Variants in WDR20 observed in about 807,000 individuals in gnomAD.
WDR20 encodes WD repeat domain 20.
In WDR20, 3 loss-of-function variants were observed where a neutral mutation model predicts 38.7. That is an observed-to-expected ratio of 0.08 (90% CI 0.04 to 0.20). WDR20 has a LOEUF of 0.20. WDR20 is among the 10% of genes least tolerant of loss of function. The pLI is 1.00. For missense variants in WDR20, 559 were observed against 727.7 expected, an observed-to-expected ratio of 0.77 and a Z score of 2.67; for synonymous variants, 298 against 285.6, an observed-to-expected ratio of 1.04 and a Z score of -0.44.
intron 1 of WDR20, among the ~76,000 whole-genome samples, chr14:102,190,853 T>C (rs1262449054): frequency 3.3e-5 from 5 of 151,842 alleles, no homozygotes; most frequent in African/African-American, 1.2e-4. Flanking sequence ...ATACAAAAAT[T>C]AGCCGGGCAT....
At chr14:102,215,509 T>A (rs922493181), downstream of WDR20, among the ~76,000 whole-genome samples, 10 of 152,024 alleles carry the variant, frequency 6.6e-5, no homozygotes, top group Non-Finnish European at 1.5e-5. Context: ...AACGTGCAGG[T>A]TTGTTACATA....
chr14:102,208,481 A>G lies in WDR20; in HGVS notation c.433-122A>G. The G allele has an allele frequency of 7.4e-7, 1 of 1,343,830 alleles. No individual in the cohort carries two copies. The highest frequency in any genetic ancestry group is 9.9e-7 in the Non-Finnish European group (1 of 1,012,010). 83.2% of individuals were successfully genotyped at this position (1,343,830 alleles called of 1,614,324 possible). ...TGCTGGCTTGGCTGACTGCAGGATA[A>G]AATGTGGAGGGCCTGGATAGACTTG... On this transcript the variant is annotated intron_variant, in intron 2 of 2. Transcript: ENST00000342702. This position sits in a 1 kb window ranked among gnomAD's most constrained non-coding sequence, Gnocchi z 5.6.
Position 102,220,835 on chromosome 14 carries a change from C to T in WDR20, c.1693-1995C>T, listed in dbSNP as rs1394952151. Among the ~76,000 whole-genome samples the T allele has an allele frequency of 1.3e-5, 2 of 151,820 alleles. No individual in the cohort carries two copies. The highest frequency in any genetic ancestry group is 2.9e-5 in the Non-Finnish European group (2 of 67,976). On this transcript the variant is annotated intron_variant, in intron 3 of 3. Transcript: ENST00000335263. The surrounding 1 kb of genome is among the most constrained non-coding windows in gnomAD (Gnocchi z 4.2). ...TCCCCCAGGCTGGAGTGCAGTGGAT[C>T]GCGGCTCATTGCACCCTGCATCTCC...
chr14:102,151,120 C>G (rs1007130346), intron 1 of WDR20, among the ~76,000 whole-genome samples: 1 of 150,782 alleles, frequency 6.6e-6, no homozygotes, highest in Admixed American at 6.6e-5. Flanking sequence ...AAATGCATAA[C>G]TCTTTAAAGT....
intron 1 of WDR20, among the ~76,000 whole-genome samples, chr14:102,142,624 A>C (rs1433318672): frequency 6.6e-6 from 1 of 151,846 alleles, no homozygotes; most frequent in Non-Finnish European, 1.5e-5. Context: ...TAATTAAAAA[A>C]AAAAATGTTT....
intron 2 of WDR20, among the ~76,000 whole-genome samples, chr14:102,203,652 C>T (rs557569051): frequency 1.6e-4 from 24 of 152,198 alleles, no homozygotes; most frequent in East Asian, 1.9e-4. Flanking sequence ...TGGAGCATGG[C>T]CCCTGGTGCT....
chr14:102,143,084 T>A (rs1410816477), intron 1 of WDR20, among the ~76,000 whole-genome samples: 1 of 152,094 alleles, frequency 6.6e-6, no homozygotes, highest in East Asian at 1.9e-4. Flanking sequence ...ACTTTAGAGT[T>A]TGTTATTTCA....
Position 102,172,402 on chromosome 14 carries a change from C to T in WDR20, c.250-22536C>T, listed in dbSNP as rs1189018201. On this transcript the variant is annotated intron_variant, in intron 1 of 2. Coordinates refer to ENST00000342702, the MANE Select transcript of WDR20 (RefSeq NM_144574.4). ...CAAAACCACCATTGTCATCATGGCC[C>T]GTTCTCAATGAGCTGTTGGGCACAC... 4.0e-5 allele frequency among the ~76,000 whole-genome samples: 6 copies of T among 151,292 alleles called. 1 individual carries two copies. Among genetic ancestry groups the T allele is most frequent in the Non-Finnish European group, 8.9e-5 (6 of 67,550 alleles).
In WDR20 at chr14:102,210,041, C is replaced by T. The variant is rs2062244040; in HGVS notation, c.*161C>T. The T allele has an allele frequency of 7.1e-7, 1 of 1,408,140 alleles. No individual in the cohort carries two copies. The highest frequency in any genetic ancestry group is 1.4e-5 in the African/African-American group (1 of 69,226). The allele number at this position is 1,408,140 out of a possible 1,614,324, so 87.2% of individuals were successfully genotyped here. A position where few individuals can be genotyped will look rare whatever the true frequency, so the allele number is the denominator to read the frequency against. ...TACTGCATGCCATGTAATTCTGAAT[C>T]ATTTGATAATTTACCTTAGAGCATT... On this transcript the variant is annotated 3_prime_UTR_variant, in exon 3 of 3. Transcript: ENST00000342702.
chr14:102,167,518 C>G (rs1476708978), intron 1 of WDR20: 1 of 152,322 alleles, frequency 6.6e-6, no homozygotes, highest in African/African-American at 2.4e-5. Flanking sequence ...CCGTGCCCAG[C>G]CTAGATTCTT....
At chr14:102,224,377 G>C, downstream of WDR20, 1 of 352,720 alleles carries the variant, frequency 2.8e-6, no homozygotes, top group Non-Finnish European at 5.5e-6. Context: ...AAACCAGCTC[G>C]TGAGCATCTG....
In WDR20 at chr14:102,209,575, C is replaced by T. The variant is rs749617951; in HGVS notation, c.1405C>T (p.Arg469Trp). 5.6e-6 allele frequency: 9 copies of T among 1,613,988 alleles called. No individual in the cohort carries two copies. Among genetic ancestry groups the T allele is most frequent in the South Asian group, 3.3e-5 (3 of 91,078 alleles). ...SKFATLSLHD[R>W]KERHHEKDHK... ...ATTTGCAACACTTTCACTACATGAC[C>T]GGAAGGAGAGGCACCACGAGAAAGA... Residue 469 changes from arginine to tryptophan, a missense_variant, in exon 3 of 3, where the codon CGG (arginine) becomes TGG (tryptophan). By Grantham distance (101) the Arg-to-Trp change is moderately radical. Coordinates refer to ENST00000342702, the MANE Select transcript of WDR20 (RefSeq NM_144574.4). This position sits in a 1 kb window ranked among gnomAD's most constrained non-coding sequence, Gnocchi z 6.0.
chr14:102,181,003 G>A (rs959933420), intron 1 of WDR20, among the ~76,000 whole-genome samples: 1 of 152,196 alleles, frequency 6.6e-6, no homozygotes, highest in African/African-American at 2.4e-5. Context: ...TGTGGATGTG[G>A]TCTTTGTCAT....
At chr14:102,142,774 C>CTGTTTTTTTTTTTTT in intron 1 of WDR20, among the ~76,000 whole-genome samples, 1 of 85,016 alleles carries the variant, frequency 1.2e-5, no homozygotes, top group Non-Finnish European at 2.2e-5. Context: ...GCTGTTTTGA[C>CTGTTTTTTTTTTTTT]TTTTTTTTTT....
chr14:102,188,859 C>T (rs960975607), intron 1 of WDR20, among the ~76,000 whole-genome samples: 3 of 126,208 alleles, frequency 2.4e-5, no homozygotes, highest in Admixed American at 2.0e-4. Context: ...GGCAGCAGAG[C>T]GAGACCCTGT....
At chr14:102,141,961 A>T (rs1310287460) in intron 1 of WDR20, among the ~76,000 whole-genome samples, 2 of 152,198 alleles carry the variant, frequency 1.3e-5, no homozygotes, top group African/African-American at 4.8e-5. Flanking sequence ...TCCTAATGGC[A>T]GACCTTATCT....
intron 1 of WDR20, among the ~76,000 whole-genome samples, chr14:102,155,335 A>G (rs550859675): frequency 1.3e-5 from 2 of 152,360 alleles, no homozygotes; most frequent in South Asian, 4.1e-4. Flanking sequence ...GACTCATTCT[A>G]CTATCTCTCA....
intron 1 of WDR20, among the ~76,000 whole-genome samples, chr14:102,184,736 T>C (rs2064187947): frequency 6.6e-6 from 1 of 152,208 alleles, no homozygotes; most frequent in Non-Finnish European, 1.5e-5. Context: ...ATGAAGGTGA[T>C]GTTCCACACG....
chr14:102,158,835 C>T (rs867122103), intron 1 of WDR20, among the ~76,000 whole-genome samples: 4 of 152,140 alleles, frequency 2.6e-5, no homozygotes, highest in Non-Finnish European at 5.9e-5. Flanking sequence ...TCGCTAAATC[C>T]CACCTCATTT....
Sources: gnomAD v4.1 joint callset for allele counts (sites outside exome capture counted in the v4.1 genomes callset) on GRCh38, gnomAD v4.1.1 for gene constraint, Gnocchi (gnomAD v3.1) non-coding constraint, MANE v1.5 for transcripts, NCBI Gene and HGNC (gene_info 2026-07-23, HGNC 2026-07-21) for gene names.